The following TENM2 variants were observed in gnomAD, a reference collection of about 807,000 sequenced individuals.
TENM2 encodes teneurin-2.
In TENM2, 52 loss-of-function variants were observed where a neutral mutation model predicts 245.2. The ratio of observed to expected loss-of-function variants is 0.21; its 90% CI spans 0.17 to 0.27. TENM2 has a LOEUF of 0.27. TENM2 is among the 10% of genes least tolerant of loss of function. TENM2 has a pLI of 1.00. For synonymous variants in TENM2, 1,363 were observed against 1,438.9 expected (o/e 0.95, Z 1.19); for missense variants, 3,046 against 3,666.8 (o/e 0.83, Z 4.37).
the TENM2 span, among the ~76,000 whole-genome samples, chr5:167,053,974 T>G: frequency 7.9e-5 from 12 of 152,154 alleles, no homozygotes; most frequent in Admixed American, 7.9e-4. Flanking sequence ...TATACTCAAT[T>G]TCTTCCACTA....
intron 6 of TENM2, among the ~76,000 whole-genome samples, chr5:168,056,903 A>G (rs1342323481): frequency 1.3e-5 from 2 of 152,128 alleles, no homozygotes; most frequent in African/African-American, 2.4e-5. Flanking sequence ...CCTAGGAGCA[A>G]TAGGGTATAC....
chr5:167,481,999 C>A (rs192880108), intron 2 of TENM2, among the ~76,000 whole-genome samples: 1 of 152,114 alleles, frequency 6.6e-6, no homozygotes, highest in Non-Finnish European at 1.5e-5. Context: ...TGATGGAGCA[C>A]TGAGTGCATG....
the TENM2 span, among the ~76,000 whole-genome samples, chr5:167,256,899 G>T: frequency 6.6e-6 from 1 of 152,082 alleles, no homozygotes; most frequent in Admixed American, 6.6e-5. Context: ...AAGATCAAGT[G>T]GTAAAACAAC....
chr5:168,251,558 G>A (rs1401672697), intron 27 of TENM2, among the ~76,000 whole-genome samples: 1 of 152,208 alleles, frequency 6.6e-6, no homozygotes, highest in African/African-American at 2.4e-5. Flanking sequence ...AGACCTGGGA[G>A]TGGGGATCCA....
At chr5:167,205,956 G>T in the TENM2 span, among the ~76,000 whole-genome samples, 1 of 152,318 alleles carries the variant, frequency 6.6e-6, no homozygotes, top group African/African-American at 2.4e-5. Context: ...CTAAGAGAAA[G>T]TTCTGCTTTT....
chr5:167,985,875 G>C (rs1282784790), intron 4 of TENM2, among the ~76,000 whole-genome samples: 4 of 152,182 alleles, frequency 2.6e-5, no homozygotes, highest in Non-Finnish European at 5.9e-5. Flanking sequence ...GGAAAAACAA[G>C]AAAAAGAAAA....
rs1302373022 is a variant in TENM2 at position 168,124,789 on chromosome 5, G to A, written c.2009-61G>A. Reference sequence around the variant, plus strand: ...TTCAGCAGCAAGCCCATGTCTCATGGTCCATCCTCCATGGGTGATTAATAC... The same window carrying A: ...TTCAGCAGCAAGCCCATGTCTCATGATCCATCCTCCATGGGTGATTAATAC... On this transcript the variant is annotated intron_variant, in intron 10 of 28. Transcript: ENST00000518659. 4 of 1,486,100 alleles carry A rather than the reference G, an allele frequency of 2.7e-6. No homozygotes were observed. The East Asian group carries it at 9.8e-5, about 37-fold the overall frequency. The allele number at this position is 1,486,100 out of a possible 1,614,324, so 92.1% of individuals were successfully genotyped here.
chr5:168,023,835 T>G (rs1786375194), intron 5 of TENM2, among the ~76,000 whole-genome samples: 1 of 152,208 alleles, frequency 6.6e-6, no homozygotes, highest in South Asian at 2.1e-4. Flanking sequence ...TCATTGTTTA[T>G]GTGGAAAGGC....
At chr5:167,798,885 C>A (rs1381735604) in intron 2 of TENM2, among the ~76,000 whole-genome samples, 1 of 152,152 alleles carries the variant, frequency 6.6e-6, no homozygotes, top group African/African-American at 2.4e-5. Context: ...TATGCTGAAC[C>A]CTACCCTTGA....
intron 2 of TENM2, among the ~76,000 whole-genome samples, chr5:167,630,588 T>C (rs549778434): frequency 2.0e-5 from 3 of 152,288 alleles, no homozygotes; most frequent in African/African-American, 7.2e-5. Context: ...ATACACTCCT[T>C]TGAGGGATTT....
intron 9 of TENM2, among the ~76,000 whole-genome samples, chr5:168,113,293 C>G (rs1255863908): frequency 1.3e-5 from 2 of 151,984 alleles, no homozygotes; most frequent in African/African-American, 2.4e-5. Flanking sequence ...GCACTCCAGC[C>G]TGGGTGACAG....
the TENM2 span, among the ~76,000 whole-genome samples, chr5:167,133,789 A>G: frequency 2.6e-5 from 4 of 151,978 alleles, no homozygotes; most frequent in African/African-American, 9.7e-5. Flanking sequence ...CTAATATTCC[A>G]GTGGAAGTTG....
At chr5:167,087,852 C>A in the TENM2 span, among the ~76,000 whole-genome samples, 1 of 151,418 alleles carries the variant, frequency 6.6e-6, no homozygotes, top group South Asian at 2.1e-4. Context: ...TGCAGTGGCA[C>A]AATTTTGGCT....
chr5:167,872,339 AAAGAAAGAAAGAAAGG>A, intron 2 of TENM2, among the ~76,000 whole-genome samples: 1 of 141,182 alleles, frequency 7.1e-6, no homozygotes. Context: ...AGAAAGAAAG[AAAGAAAGAAAGAAAGG>A]AAAGAGAAGG....
At chr5:167,884,658 A>G (rs957323909) in intron 3 of TENM2, among the ~76,000 whole-genome samples, 17 of 152,288 alleles carry the variant, frequency 1.1e-4, no homozygotes, top group African/African-American at 4.1e-4. Flanking sequence ...CTCCTCCCTT[A>G]CTAGACACTT....
intron 12 of TENM2, chr5:168,129,489 C>A (rs1394736315): frequency 6.6e-6 from 1 of 152,178 alleles, no homozygotes; most frequent in Non-Finnish European, 1.5e-5. Flanking sequence ...TTATAAAGAT[C>A]TTTACTACCA....
At chr5:167,170,564 G>A in the TENM2 span, among the ~76,000 whole-genome samples, 1 of 152,146 alleles carries the variant, frequency 6.6e-6, no homozygotes, top group African/African-American at 2.4e-5. Flanking sequence ...GACACAGCAT[G>A]TTTAAGTTTC....
At chr5:167,957,204 A>G (rs1780627801) in intron 4 of TENM2, among the ~76,000 whole-genome samples, 1 of 151,922 alleles carries the variant, frequency 6.6e-6, no homozygotes, top group Non-Finnish European at 1.5e-5. Flanking sequence ...TAGTCTTGAG[A>G]GGGTGTATGT....
intron 2 of TENM2, among the ~76,000 whole-genome samples, chr5:167,418,929 AATT>A (rs1465479997): frequency 6.6e-6 from 1 of 152,172 alleles, no homozygotes; most frequent in Non-Finnish European, 1.5e-5. Context: ...TCGCTTAAAA[AATT>A]ATGATTGCTT....
Sources: allele counts gnomAD v4.1 joint callset (sites outside exome capture counted in the v4.1 genomes callset), GRCh38; gene constraint gnomAD v4.1.1; transcripts MANE v1.5; gene names NCBI Gene and HGNC (gene_info 2026-07-23, HGNC 2026-07-21).